Variants in RPRD1A observed in about 807,000 individuals in gnomAD.
RPRD1A encodes regulation of nuclear pre-mRNA domain-containing protein 1A.
Under a neutral mutation model 37.8 loss-of-function variants are expected in RPRD1A, and 9 were observed. The observed-to-expected ratio is 0.24, with a 90% CI of 0.14 to 0.42. The LOEUF is 0.42. RPRD1A is among the 10% of genes least tolerant of loss of function. RPRD1A has a pLI of 1.00. For missense variants in RPRD1A, 255 were observed against 371.0 expected, an observed-to-expected ratio of 0.69 and a Z score of 2.57; for synonymous variants, 138 against 139.7, an observed-to-expected ratio of 0.99 and a Z score of 0.08.
chr18:36,060,274 T>C (rs1412972940), intron 1 of RPRD1A, among the ~76,000 whole-genome samples: 1 of 151,646 alleles, frequency 6.6e-6, no homozygotes, highest in Non-Finnish European at 1.5e-5. Flanking sequence ...CTACTAAAAA[T>C]ACAAAAAAAT....
At position 36,033,042 on chromosome 18, in the gene RPRD1A, G is replaced by A. The variant is rs931422780; in HGVS notation, c.281+666C>T. Among the ~76,000 whole-genome samples, 33 of 152,094 alleles carry A rather than the reference G, an allele frequency of 2.2e-4. 1 individual carries two copies. The highest frequency in any genetic ancestry group is 7.9e-4 in the Admixed American group (12 of 15,270). On this transcript the variant is annotated intron_variant, in intron 2 of 6. Coordinates refer to ENST00000399022, the MANE Select transcript of RPRD1A (RefSeq NM_018170.5). ...AAACAGGCCAGACATGGTGGCTCACGTTTGTAATCCCAGCACTTTGGGAGG... is the reference window on the plus strand; with the variant it reads ...AAACAGGCCAGACATGGTGGCTCACATTTGTAATCCCAGCACTTTGGGAGG...
intron 6 of RPRD1A, among the ~76,000 whole-genome samples, chr18:36,007,667 C>T (rs1430514040): frequency 6.6e-6 from 1 of 152,108 alleles, no homozygotes; most frequent in African/African-American, 2.4e-5. Context: ...TGGCCGGGCA[C>T]GGTGGCTCAT....
intron 1 of RPRD1A, chr18:36,040,937 T>C: frequency 1.1e-6 from 1 of 897,298 alleles, no homozygotes; most frequent in Non-Finnish European, 1.6e-6. Context: ...ACAGTAATTG[T>C]CTTTCAGAAT....
At chr18:36,005,039 C>T (rs1194590712) in intron 6 of RPRD1A, among the ~76,000 whole-genome samples, 3 of 152,236 alleles carry the variant, frequency 2.0e-5, no homozygotes, top group African/African-American at 7.2e-5. Flanking sequence ...CAGTGGCTCA[C>T]GCCTGTAATC....
intron 6 of RPRD1A, among the ~76,000 whole-genome samples, chr18:36,022,677 T>G (rs1911071608): frequency 1.3e-5 from 2 of 152,334 alleles, no homozygotes; most frequent in South Asian, 4.1e-4. Context: ...AAAATATTAC[T>G]ATTGGCCAGA....
intron 6 of RPRD1A, among the ~76,000 whole-genome samples, chr18:36,020,333 G>C (rs1910912062): frequency 6.6e-6 from 1 of 152,078 alleles, no homozygotes; most frequent in Non-Finnish European, 1.5e-5. Flanking sequence ...CCAAATCACA[G>C]TGCTAAGAGG....
chr18:36,047,878 A>G (rs754358608), intron 1 of RPRD1A, among the ~76,000 whole-genome samples: 9 of 152,180 alleles, frequency 5.9e-5, no homozygotes, highest in Non-Finnish European at 8.8e-5. Context: ...GGTTTCCACC[A>G]GAGATTTTTA....
chr18:36,033,875 A>C, intron 1 of RPRD1A, 38 bp from the exon 2 acceptor site: 1 of 1,562,248 alleles, frequency 6.4e-7, no homozygotes, highest in Non-Finnish European at 8.7e-7. Context: ...TACTTAAAAC[A>C]TCTTTACTTG....
chr18:36,051,918 T>C (rs558271379), intron 1 of RPRD1A, among the ~76,000 whole-genome samples: 44 of 152,210 alleles, frequency 2.9e-4, no homozygotes, highest in African/African-American at 9.9e-4. Context: ...AAATGATACA[T>C]GATTAACTAA....
In RPRD1A at chr18:35,993,122, G is replaced by T; in HGVS notation, c.*29C>A. ...CTAACCTGTCTCCATCTCTTGCAAA[G>T]TCCTGGGACCTGGAAAGAGGCTGGT... is the stretch of plus-strand genomic sequence containing the variant. On this transcript the variant is annotated 3_prime_UTR_variant, in exon 7 of 7. Transcript: ENST00000399022. 1 of 1,607,370 alleles carries T rather than the reference G, an allele frequency of 6.2e-7. No individual in the cohort carries two copies. The highest frequency in any genetic ancestry group is 1.1e-5 in the South Asian group (1 of 90,410).
rs1340457027 is a variant in RPRD1A, at chr18:35,992,492, T to C, written c.*659A>G. The C allele has an allele frequency of 5.9e-5, 9 of 152,028 alleles. No individual in the cohort carries two copies. The highest frequency in any genetic ancestry group is 1.3e-4 in the Non-Finnish European group (9 of 67,984). 9.4% of individuals were successfully genotyped at this position (152,028 alleles called of 1,614,324 possible). A position where few individuals can be genotyped will look rare whatever the true frequency, so the allele number is the denominator to read the frequency against. On this transcript the variant is annotated 3_prime_UTR_variant, in exon 7 of 7. Transcript: ENST00000399022. Reference sequence around the variant, plus strand: ...AACAGTTTAATCAAGGGAGTCACTATTTAACACTTTTAAAATCTACACTGG... The same window carrying C: ...AACAGTTTAATCAAGGGAGTCACTACTTAACACTTTTAAAATCTACACTGG...
chr18:36,014,797 A>G (rs1168625586), intron 6 of RPRD1A, among the ~76,000 whole-genome samples: 2 of 152,188 alleles, frequency 1.3e-5, no homozygotes, highest in Non-Finnish European at 2.9e-5. Context: ...ACTTGAATAG[A>G]CATTTCTCCA....
At chr18:36,048,792 A>C (rs1429327170) in intron 1 of RPRD1A, among the ~76,000 whole-genome samples, 4 of 152,200 alleles carry the variant, frequency 2.6e-5, no homozygotes, top group African/African-American at 9.6e-5. Flanking sequence ...CAATAGGGCA[A>C]GAAAAGGAAA....
Position 36,057,435 on chromosome 18 carries a change from G to A in RPRD1A, c.151+9819C>T, listed in dbSNP as rs193272446. Among the ~76,000 whole-genome samples, 115 of 152,046 alleles carry A rather than the reference G, an allele frequency of 7.6e-4. 1 individual carries two copies. Among genetic ancestry groups the A allele is most frequent in the Non-Finnish European group, 9.3e-4 (63 of 67,996 alleles). Reference sequence around the variant, plus strand: ...CCAGCCTGGGCAATATGGCAAACACGGTCTCTACAAAAAATACAAAAAAAA... The same window carrying A: ...CCAGCCTGGGCAATATGGCAAACACAGTCTCTACAAAAAATACAAAAAAAA... On this transcript the variant is annotated intron_variant, in intron 1 of 6. Transcript: ENST00000399022.
chr18:36,056,971 T>C (rs1169873881), intron 1 of RPRD1A, among the ~76,000 whole-genome samples: 2 of 144,764 alleles, frequency 1.4e-5, no homozygotes, highest in Admixed American at 1.5e-4. Flanking sequence ...TCCCAGCACG[T>C]TGGGAGGCCA....
chr18:36,054,583 C>G (rs1208818775), intron 1 of RPRD1A, among the ~76,000 whole-genome samples: 2 of 151,982 alleles, frequency 1.3e-5, no homozygotes, highest in Non-Finnish European at 2.9e-5. Flanking sequence ...AGAAATAGAA[C>G]CAATAGGACA....
intron 6 of RPRD1A, chr18:36,025,744 A>G (rs895074222): frequency 3.1e-5 from 23 of 750,484 alleles, no homozygotes; most frequent in Non-Finnish European, 4.2e-5. Context: ...AAATTGTATG[A>G]CATTACTTAC....
At chr18:36,045,172 G>A (rs553250814) in intron 1 of RPRD1A, among the ~76,000 whole-genome samples, 18 of 152,184 alleles carry the variant, frequency 1.2e-4, no homozygotes, top group African/African-American at 4.3e-4. Context: ...CCTGGGAGGT[G>A]GAGGTTGCAG....
At chr18:36,021,765 G>A (rs1003940664) in intron 6 of RPRD1A, among the ~76,000 whole-genome samples, 29 of 152,204 alleles carry the variant, frequency 1.9e-4, no homozygotes, top group African/African-American at 6.8e-4. Flanking sequence ...TTGGGAGGCT[G>A]AGGCAGGAGG....
Sources: gnomAD v4.1 joint callset for allele counts (sites outside exome capture counted in the v4.1 genomes callset) on GRCh38, gnomAD v4.1.1 for gene constraint, MANE v1.5 for transcripts, NCBI Gene and HGNC (gene_info 2026-07-23, HGNC 2026-07-21) for gene names.